ABRAXAS2: variants seen among roughly 807,000 people sequenced by gnomAD.
ABRAXAS2 encodes the protein BRISC complex subunit Abraxas 2.
Under a neutral mutation model 49.0 loss-of-function variants are expected in ABRAXAS2, and 23 were observed. That is an observed-to-expected ratio of 0.47 (90% CI 0.34 to 0.66). The LOEUF is 0.66. ABRAXAS2 is among the 30% of genes least tolerant of loss of function. The probability of loss-of-function intolerance (pLI) is 0.01; values close to 1 mark genes in which losing one functional copy is unlikely to be tolerated. For synonymous variants in ABRAXAS2, 168 were observed against 180.2 expected (o/e 0.93, Z 0.54); for missense variants, 443 against 511.9 (o/e 0.87, Z 1.30).
intron 1 of ABRAXAS2, among the ~76,000 whole-genome samples, chr10:124,804,073 T>TA (rs1222398091): frequency 1.7e-4 from 26 of 150,648 alleles, no homozygotes; most frequent in Middle Eastern, 3.4e-3. Context: ...AATGTCCTTT[T>TA]AAAAAAAAAA....
intron 8 of ABRAXAS2, among the ~76,000 whole-genome samples, chr10:124,832,508 A>G (rs990004053): frequency 7.2e-5 from 11 of 152,240 alleles, no homozygotes; most frequent in African/African-American, 2.7e-4. Flanking sequence ...CCAGGCAAAT[A>G]TAACAGTCTG....
intron 4 of ABRAXAS2, among the ~76,000 whole-genome samples, chr10:124,822,433 T>C (rs1950867577): frequency 6.6e-6 from 1 of 152,150 alleles, no homozygotes; most frequent in South Asian, 2.1e-4. Context: ...GAAGGAAGAA[T>C]TTATTTGATA....
chr10:124,826,785 G>A lies in ABRAXAS2; in HGVS notation c.458G>A (p.Arg153Lys). 1 of 1,613,322 alleles carries A rather than the reference G, an allele frequency of 6.2e-7. No homozygotes were observed. The highest frequency in any genetic ancestry group is 8.5e-7 in the Non-Finnish European group (1 of 1,179,494). Residue 153 changes from arginine (R) to lysine (K), a missense_variant and splice_region_variant, in exon 5 of 9, where the codon AGG becomes AAG. Physicochemically the swap from Arg to Lys is conservative, Grantham distance 26. Transcript: ENST00000298492. Reference sequence around the variant, plus strand: ...TATGTGCTCTTCAGACCAAATAGAAGGTAAAGCTTGCTTTTCCATCTGCCT... The same window carrying A: ...TATGTGCTCTTCAGACCAAATAGAAAGTAAAGCTTGCTTTTCCATCTGCCT... Reference protein sequence around the residue: ...LEYVLFRPNRRYNQRISLAIP... With the variant: ...LEYVLFRPNRKYNQRISLAIP...
At chr10:124,828,567 C>T (rs1950911273) in intron 5 of ABRAXAS2, among the ~76,000 whole-genome samples, 189 bp from the exon 6 acceptor site, 1 of 151,928 alleles carries the variant, frequency 6.6e-6, no homozygotes, top group African/African-American at 2.4e-5. Flanking sequence ...AGGGTTTCAC[C>T]ATGTTGGCCA....
At chr10:124,816,484 G>A in intron 2 of ABRAXAS2, 92 bp from the exon 3 acceptor site, 1 of 761,926 alleles carries the variant, frequency 1.3e-6, no homozygotes, top group East Asian at 2.7e-5. Context: ...TGTTGTCAGA[G>A]ATTTTGATTA....
chr10:124,834,718 C>G lies in ABRAXAS2; in HGVS notation c.995C>G (p.Pro332Arg). 6.2e-7 allele frequency: 1 copy of G among 1,614,104 alleles called. No individual in the cohort carries two copies. The highest frequency in any genetic ancestry group is 8.5e-7 in the Non-Finnish European group (1 of 1,180,022). Reference sequence around the variant, plus strand: ...CGCATGGAAAGGAGTGTCTTTATGCCTCGACCTCAAGCTGTGGGCTCTTCC... The same window carrying G: ...CGCATGGAAAGGAGTGTCTTTATGCGTCGACCTCAAGCTGTGGGCTCTTCC... ...HSRMERSVFM[P>R]RPQAVGSSNY... Residue 332 changes from proline (P) to arginine (R), a missense_variant, in exon 9 of 9, where the codon CCT becomes CGT. Around this residue, in one of 3 missense-constraint regions of ABRAXAS2, gnomAD observed 230 missense variants for 237.0 expected, o/e 0.97. Transcript: ENST00000298492.
At chr10:124,833,059 T>A (rs1195447061) in intron 8 of ABRAXAS2, among the ~76,000 whole-genome samples, 1 of 142,510 alleles carries the variant, frequency 7.0e-6, no homozygotes, top group Non-Finnish European at 1.5e-5. Flanking sequence ...GGCGGGAGAA[T>A]CGTTTGAACC....
chr10:124,814,165 A>G (rs754880295), intron 2 of ABRAXAS2, among the ~76,000 whole-genome samples: 2 of 150,684 alleles, frequency 1.3e-5, no homozygotes, highest in African/African-American at 2.4e-5. Flanking sequence ...CTAATTTTGT[A>G]TTTTTAGTAG....
intron 3 of ABRAXAS2, among the ~76,000 whole-genome samples, chr10:124,816,883 A>C (rs1034590995): frequency 6.6e-6 from 1 of 152,240 alleles, no homozygotes; most frequent in Non-Finnish European, 1.5e-5. Context: ...TCAACATAAA[A>C]TAATTCAAAG....
chr10:124,817,115 C>G (rs1264770644), intron 3 of ABRAXAS2, among the ~76,000 whole-genome samples: 2 of 152,068 alleles, frequency 1.3e-5, no homozygotes, highest in Non-Finnish European at 2.9e-5. Context: ...TGAAGTTTCA[C>G]TTATGAATGA....
At chr10:124,806,529 T>G (rs1172830188) in intron 1 of ABRAXAS2, among the ~76,000 whole-genome samples, 1 of 152,216 alleles carries the variant, frequency 6.6e-6, no homozygotes, top group Non-Finnish European at 1.5e-5. Flanking sequence ...CTTCTTGAGT[T>G]TTTTGACATT....
In ABRAXAS2 at chr10:124,836,404, G is replaced by A. The variant is rs1315575078; in HGVS notation, c.*1433G>A. 2 of 151,216 alleles carry A rather than the reference G, an allele frequency of 1.3e-5. No individual in the cohort carries two copies. Among genetic ancestry groups the A allele is most frequent in the East Asian group, 3.9e-4 (2 of 5,132 alleles). 9.4% of individuals were successfully genotyped at this position (151,216 alleles called of 1,614,324 possible). A position where few individuals can be genotyped will look rare whatever the true frequency, so the allele number is the denominator to read the frequency against. ...GGGTCTGTCTTTTAACTACTCTCCT[G>A]GTTATGTTGGCCTTACACCACTGCC... On this transcript the variant is annotated 3_prime_UTR_variant, in exon 9 of 9. Transcript: ENST00000298492.
chr10:124,804,598 T>C (rs1396920018), intron 1 of ABRAXAS2, among the ~76,000 whole-genome samples: 1 of 152,138 alleles, frequency 6.6e-6, no homozygotes, highest in Non-Finnish European at 1.5e-5. Context: ...TGAAAGATTT[T>C]CTTAGGGTAA....
rs181220990 is a variant in ABRAXAS2 at position 124,812,261 on chromosome 10, G to A, written c.164-4315G>A. 2.2e-3 allele frequency among the ~76,000 whole-genome samples: 338 copies of A among 152,282 alleles called. 2 individuals are homozygous for A. The highest frequency in any genetic ancestry group is 0.014 in the Middle Eastern group (4 of 294). ...GCTGTACAATCTTTAACTTATTAGCGATGTTCAGTTCATTGAAACGATTAT... is the reference window on the plus strand; with the variant it reads ...GCTGTACAATCTTTAACTTATTAGCAATGTTCAGTTCATTGAAACGATTAT... On this transcript the variant is annotated intron_variant, in intron 2 of 8. Coordinates refer to ENST00000298492, the MANE Select transcript of ABRAXAS2 (RefSeq NM_032182.4).
intron 5 of ABRAXAS2, among the ~76,000 whole-genome samples, chr10:124,827,502 C>T (rs538671027): frequency 6.6e-6 from 1 of 152,108 alleles, no homozygotes; most frequent in South Asian, 2.1e-4. Context: ...TTTTTCTTGT[C>T]AGTTATTTAC....
chr10:124,816,538 A>G (rs764242602), intron 2 of ABRAXAS2, 38 bp from the exon 3 acceptor site: 4 of 1,491,488 alleles, frequency 2.7e-6, no homozygotes, highest in South Asian at 1.2e-5. Flanking sequence ...TATGTCTTAC[A>G]TGATTAACTA....
intron 2 of ABRAXAS2, among the ~76,000 whole-genome samples, chr10:124,815,756 T>C (rs1950820301): frequency 6.6e-6 from 1 of 152,106 alleles, no homozygotes; most frequent in Non-Finnish European, 1.5e-5. Flanking sequence ...GTACTGACCA[T>C]CTTTGAAAGG....
intron 2 of ABRAXAS2, among the ~76,000 whole-genome samples, chr10:124,812,630 A>G (rs1205283986): frequency 6.6e-6 from 1 of 151,578 alleles, no homozygotes; most frequent in Non-Finnish European, 1.5e-5. Flanking sequence ...GTGATAGAGC[A>G]AGACCTTGTC....
At chr10:124,830,903 T>C (rs559718014) in intron 7 of ABRAXAS2, among the ~76,000 whole-genome samples, 12 of 152,384 alleles carry the variant, frequency 7.9e-5, no homozygotes, top group African/African-American at 2.9e-4. Context: ...ACCTTGACTT[T>C]GAAACTTTTT....
Sources: allele counts gnomAD v4.1 joint callset (sites outside exome capture counted in the v4.1 genomes callset), GRCh38; gene constraint gnomAD v4.1.1; regional missense constraint gnomAD v4.1.1; transcripts MANE v1.5; gene names NCBI Gene and HGNC (gene_info 2026-07-23, HGNC 2026-07-21).